The following ADAM18 variants were observed in gnomAD, a reference collection of about 807,000 sequenced individuals.
ADAM18 encodes ADAM metallopeptidase domain 18.
In ADAM18, 117 loss-of-function variants were observed where a neutral mutation model predicts 94.4. The ratio of observed to expected loss-of-function variants is 1.24; its 90% CI spans 1.07 to 1.45. The LOEUF (loss-of-function observed/expected upper bound fraction) is 1.45. ADAM18 is among the 40% of genes most tolerant of loss of function. The pLI, the probability that ADAM18 is intolerant of heterozygous loss-of-function variation, is 0.00. For synonymous variants in ADAM18, 327 were observed against 291.6 expected (o/e 1.12, Z -1.24); for missense variants, 936 against 880.0 (o/e 1.06, Z -0.81).
At chr8:39,622,432 TAAG>T (rs560101212) in intron 6 of ADAM18, among the ~76,000 whole-genome samples, 53 of 151,772 alleles carry the variant, frequency 3.5e-4, no homozygotes, top group Admixed American at 7.2e-4. Context: ...ATGAAAATAT[TAAG>T]ATGATATTGA....
At chr8:39,619,244 G>A (rs924362021) in intron 6 of ADAM18, among the ~76,000 whole-genome samples, 7 of 151,816 alleles carry the variant, frequency 4.6e-5, no homozygotes, top group African/African-American at 1.7e-4. Context: ...CTCACTTTCA[G>A]TATAGGAGGA....
chr8:39,613,774 G>A (rs1216599734), intron 6 of ADAM18, among the ~76,000 whole-genome samples: 2 of 152,294 alleles, frequency 1.3e-5, no homozygotes, highest in East Asian at 1.9e-4. Flanking sequence ...GCCATTTAAA[G>A]AAAGAATCAA....
Position 39,729,949 on chromosome 8 carries a change from A to G in ADAM18, c.*9A>G, listed in dbSNP as rs1823026959. On this transcript the variant is annotated 3_prime_UTR_variant, in exon 20 of 20. Coordinates refer to ENST00000265707, the MANE Select transcript of ADAM18 (RefSeq NM_014237.3). ...ATGACGTGGGACATTAATATTGCAC[A>G]GAACTTCCATAGCAAATAACCTAAA... is the stretch of plus-strand genomic sequence containing the variant. The G allele has an allele frequency of 2.5e-6, 4 of 1,610,422 alleles. No individual in the cohort carries two copies. Among genetic ancestry groups the G allele is most frequent in the Non-Finnish European group, 2.5e-6 (3 of 1,176,600 alleles).
At chr8:39,721,899 T>C (rs2129581797) in intron 18 of ADAM18, among the ~76,000 whole-genome samples, 1 of 151,360 alleles carries the variant, frequency 6.6e-6, no homozygotes, top group South Asian at 2.1e-4. Flanking sequence ...GTCCTACTAC[T>C]TGCTAGCTAC....
rs371256408 is a variant in ADAM18, at chr8:39,645,368, T to A, written c.940T>A (p.Ser314Thr). The change falls in exon 11 of 20, where the codon TCG becomes ACG. Residue 314 changes from serine to threonine, a missense_variant. Coordinates refer to ENST00000265707, the MANE Select transcript of ADAM18 (RefSeq NM_014237.3). ...YPDAIGLEGF[S>T]VIIAQLLGLN... ...AGATGCAATAGGTTTGGAGGGATTT[T>A]CGGTTATTATAGCTCAACTGCTTGG... The A allele has an allele frequency of 1.3e-5, 21 of 1,612,170 alleles. No homozygotes were observed. The highest frequency in any genetic ancestry group is 1.8e-5 in the Non-Finnish European group (21 of 1,179,098).
At chr8:39,666,482 A>G (rs188789133) in intron 13 of ADAM18, among the ~76,000 whole-genome samples, 2 of 152,250 alleles carry the variant, frequency 1.3e-5, no homozygotes, top group Admixed American at 1.3e-4. Context: ...TTTATTATGC[A>G]TCTTTGTTTC....
chr8:39,616,954 G>A (rs562241020), intron 6 of ADAM18, among the ~76,000 whole-genome samples: 7 of 152,084 alleles, frequency 4.6e-5, no homozygotes, highest in Admixed American at 6.6e-5. Flanking sequence ...AACATAGGCC[G>A]TAGCAAAGAT....
intron 19 of ADAM18, among the ~76,000 whole-genome samples, chr8:39,726,051 C>T (rs190649652): frequency 6.6e-6 from 1 of 152,076 alleles, no homozygotes; most frequent in Admixed American, 6.5e-5. Flanking sequence ...CTATGTTAAC[C>T]TAAGATGTAA....
intron 13 of ADAM18, among the ~76,000 whole-genome samples, chr8:39,667,228 C>A (rs1821014288): frequency 6.6e-6 from 1 of 151,618 alleles, no homozygotes; most frequent in Non-Finnish European, 1.5e-5. Flanking sequence ...ATGGTGAAAC[C>A]CTGTCTTTAC....
At chr8:39,628,503 T>C (rs1225894763) in intron 6 of ADAM18, among the ~76,000 whole-genome samples, 3 of 151,994 alleles carry the variant, frequency 2.0e-5, no homozygotes, top group African/African-American at 4.8e-5. Flanking sequence ...TACTTTCCCA[T>C]GGAAATATAA....
chr8:39,604,128 G>A (rs956549690), intron 2 of ADAM18, among the ~76,000 whole-genome samples: 9 of 152,110 alleles, frequency 5.9e-5, no homozygotes, highest in African/African-American at 2.2e-4. Flanking sequence ...AAAGCACATT[G>A]CTTCTCTGCC....
chr8:39,649,395 T>A (rs546399562), intron 12 of ADAM18, among the ~76,000 whole-genome samples: 1 of 152,142 alleles, frequency 6.6e-6, no homozygotes, highest in Non-Finnish European at 1.5e-5. Context: ...TATATATATA[T>A]GTTTCCAATT....
intron 2 of ADAM18, among the ~76,000 whole-genome samples, chr8:39,604,320 T>C (rs1369575082): frequency 6.6e-6 from 1 of 152,236 alleles, no homozygotes; most frequent in Non-Finnish European, 1.5e-5. Context: ...TAGTTTTTTG[T>C]TACACTCAAT....
chr8:39,585,656 C>A (rs1056933737), intron 2 of ADAM18, among the ~76,000 whole-genome samples: 3 of 152,044 alleles, frequency 2.0e-5, no homozygotes, highest in African/African-American at 7.2e-5. Flanking sequence ...GTTCAGCCAA[C>A]AAATTAACAA....
At chr8:39,635,417 G>A (rs1342865127) in intron 7 of ADAM18, among the ~76,000 whole-genome samples, 2 of 151,978 alleles carry the variant, frequency 1.3e-5, no homozygotes, top group Admixed American at 6.6e-5. Flanking sequence ...TTGCTCTTTA[G>A]CTGCATTTTA....
intron 12 of ADAM18, among the ~76,000 whole-genome samples, 194 bp from the exon 13 acceptor site, chr8:39,663,598 CAAA>C (rs10597769): frequency 1.5e-3 from 29 of 19,576 alleles, no homozygotes; most frequent in African/African-American, 3.5e-3. Context: ...AATCCTGTCT[CAAA>C]AAAAAAAAAA....
chr8:39,661,221 C>T (rs1241019638), intron 12 of ADAM18, among the ~76,000 whole-genome samples: 5 of 137,354 alleles, frequency 3.6e-5, no homozygotes, highest in Admixed American at 2.4e-4. Flanking sequence ...GGTGCGATAT[C>T]GGCTCACTGC....
chr8:39,730,001 T>C lies in ADAM18; in HGVS notation c.*61T>C, dbSNP rs187934697. On this transcript the variant is annotated 3_prime_UTR_variant, in exon 20 of 20. Transcript: ENST00000265707. ...GAACGAATGTGCTTTATTTATAACC[T>C]TACGTTATCCCCAATGCATTGTAAA... 396 of 1,511,424 alleles carry C rather than the reference T, an allele frequency of 2.6e-4. 1 individual carries two copies. In the African/African-American group the frequency reaches 4.4e-3, roughly 17 times the overall value. The allele number at this position is 1,511,424 out of a possible 1,614,324, so 93.6% of individuals were successfully genotyped here. A position where few individuals can be genotyped will look rare whatever the true frequency, so the allele number is the denominator to read the frequency against.
At chr8:39,636,233 G>A (rs765427988) in intron 7 of ADAM18, among the ~76,000 whole-genome samples, 9 of 151,886 alleles carry the variant, frequency 5.9e-5, no homozygotes, top group African/African-American at 2.2e-4. Flanking sequence ...TGTTGTCCAC[G>A]CCTCAGTCTC....
Sources: gnomAD v4.1 joint callset for allele counts (sites outside exome capture counted in the v4.1 genomes callset) on GRCh38, gnomAD v4.1.1 for gene constraint, MANE v1.5 for transcripts, NCBI Gene and HGNC (gene_info 2026-07-23, HGNC 2026-07-21) for gene names.